The following ADGRG5 variants were observed in gnomAD, a reference collection of about 807,000 sequenced individuals.
The protein encoded by ADGRG5 is G protein-coupled receptor 114.
In ADGRG5, 37 loss-of-function variants were observed where a neutral mutation model predicts 53.2. That is an observed-to-expected ratio of 0.70 (90% CI 0.53 to 0.91). The LOEUF (loss-of-function observed/expected upper bound fraction) is 0.91. ADGRG5 is among the 40% of genes least tolerant of loss of function. The probability of loss-of-function intolerance (pLI) is 0.00; values close to 1 mark genes in which losing one functional copy is unlikely to be tolerated. For synonymous variants in ADGRG5, 277 were observed against 290.4 expected (o/e 0.95, Z 0.47); for missense variants, 614 against 675.8 (o/e 0.91, Z 1.01).
At chr16:57,531,903 G>A in the ADGRG5 span, among the ~76,000 whole-genome samples, 9 of 152,300 alleles carry the variant, frequency 5.9e-5, no homozygotes, top group South Asian at 4.1e-4. Flanking sequence ...ACACCACCAC[G>A]TGGAGCAGTA....
chr16:57,561,247 C>T (rs2032993013), intron 1 of ADGRG5, among the ~76,000 whole-genome samples: 1 of 152,254 alleles, frequency 6.6e-6, no homozygotes, highest in Non-Finnish European at 1.5e-5. Flanking sequence ...TGCTAAACGT[C>T]TTACCAGGTG....
chr16:57,563,589 G>A (rs1230664284), intron 4 of ADGRG5, among the ~76,000 whole-genome samples: 1 of 152,210 alleles, frequency 6.6e-6, no homozygotes, highest in African/African-American at 2.4e-5. Flanking sequence ...CAGGGGCTGG[G>A]GCTGGTGCTG....
At chr16:57,534,758 G>A in the ADGRG5 span, among the ~76,000 whole-genome samples, 1 of 152,222 alleles carries the variant, frequency 6.6e-6, no homozygotes, top group African/African-American at 2.4e-5. Flanking sequence ...TCAGGAGTCA[G>A]TCGGTGGCCA....
At position 57,567,999 on chromosome 16, in the gene ADGRG5, A is replaced by G. The variant is rs1221933203; in HGVS notation, c.965A>G (p.His322Arg). 2 of 1,614,042 alleles carry G rather than the reference A, an allele frequency of 1.2e-6. No homozygotes were observed. Among genetic ancestry groups the G allele is most frequent in the Admixed American group, 1.7e-5 (1 of 60,008 alleles). The change falls in exon 9 of 12, where the codon CAC becomes CGC. Residue 322 changes from histidine (H) to arginine (R), a missense_variant. His to Arg is a conservative substitution (Grantham distance 29, BLOSUM62 0). Transcript: ENST00000349457. ...SACTALAAAL[H>R]YALLSCLTWM... is the part of the protein sequence containing the mutation. ...TGCACGGCTCTGGCCGCTGCCCTGC[A>G]CTACGCGCTGCTCAGCTGCCTCACC...
intron 1 of ADGRG5, among the ~76,000 whole-genome samples, chr16:57,550,366 A>G (rs1212005698): frequency 6.6e-6 from 1 of 152,216 alleles, no homozygotes; most frequent in East Asian, 1.9e-4. Flanking sequence ...GTTGTGTAAG[A>G]GTTCTTTATG....
At position 57,574,807 on chromosome 16, in the gene ADGRG5, C is replaced by G. The variant is rs1441472208; in HGVS notation, c.1209-8C>G. The G allele has an allele frequency of 6.4e-7, 1 of 1,560,846 alleles. No individual in the cohort carries two copies. Among genetic ancestry groups the G allele is most frequent in the Admixed American group, 1.8e-5 (1 of 56,476 alleles). On this transcript the variant is annotated splice_region_variant and splice_polypyrimidine_tract_variant and intron_variant, in intron 10 of 11. Transcript: ENST00000349457. This position sits in a 1 kb window ranked among gnomAD's most constrained non-coding sequence, Gnocchi z 4.4. ...ACTGTGAGCCTGACACGTCACCCTC[C>G]CCTGCAGATGCTGGGTGCGGAGCCC... is the stretch of plus-strand genomic sequence containing the variant.
Position 57,562,050 on chromosome 16 carries a change from T to C in ADGRG5, c.-38-6T>C, listed in dbSNP as rs2033015060. On this transcript the variant is annotated splice_region_variant and splice_polypyrimidine_tract_variant and intron_variant, in intron 1 of 11. Transcript: ENST00000349457. ...TCATCATGGTGATGGCATGCACCTTTTTCAGGGCCGGAGCCAGTTCTTGGA... is the reference window on the plus strand; with the variant it reads ...TCATCATGGTGATGGCATGCACCTTCTTCAGGGCCGGAGCCAGTTCTTGGA... The C allele has an allele frequency of 6.7e-7, 1 of 1,494,098 alleles. No homozygotes were observed. The highest frequency in any genetic ancestry group is 2.3e-5 in the East Asian group (1 of 42,998). The allele number at this position is 1,494,098 out of a possible 1,614,324, so 92.6% of individuals were successfully genotyped here.
At chr16:57,557,589 T>C (rs2032911775) in intron 1 of ADGRG5, among the ~76,000 whole-genome samples, 1 of 152,202 alleles carries the variant, frequency 6.6e-6, no homozygotes, top group South Asian at 2.1e-4. Flanking sequence ...CTCTCTCCTT[T>C]AGCTAGGATT....
Position 57,562,052 on chromosome 16 carries a change from TCAGGGCCGGAG to T in ADGRG5, c.-38-2_-30del. 6.7e-7 allele frequency: 1 copy of T among 1,497,424 alleles called. No homozygotes were observed. The highest frequency in any genetic ancestry group is 2.2e-5 in the Admixed American group (1 of 44,758). The allele number at this position is 1,497,424 out of a possible 1,614,324, so 92.8% of individuals were successfully genotyped here. A position where few individuals can be genotyped will look rare whatever the true frequency, so the allele number is the denominator to read the frequency against. ...ATCATGGTGATGGCATGCACCTTTT[TCAGGGCCGGAG>T]CCAGTTCTTGGAGGAGACTCTGCAC... On this transcript the variant is annotated splice_acceptor_variant and splice_polypyrimidine_tract_variant and 5_prime_UTR_variant and intron_variant, in exon 2 of 12. Transcript: ENST00000349457. LOFTEE classifies it low-confidence loss of function (5UTR_SPLICE).
chr16:57,539,454 CTTT>C (rs35729717), upstream of ADGRG5, among the ~76,000 whole-genome samples: 4 of 141,510 alleles, frequency 2.8e-5, no homozygotes, highest in African/African-American at 5.2e-5. Flanking sequence ...CACTGTACCC[CTTT>C]TTTTTTTTTT....
At chr16:57,566,429 A>C in intron 6 of ADGRG5, 170 bp from the exon 7 acceptor site, 2 of 519,250 alleles carry the variant, frequency 3.9e-6, no homozygotes, top group Non-Finnish European at 6.5e-6. Context: ...CTGAGAGCCC[A>C]CAGTGGAGGT....
chr16:57,556,123 G>A (rs1427786461), intron 1 of ADGRG5, among the ~76,000 whole-genome samples: 1 of 152,138 alleles, frequency 6.6e-6, no homozygotes, highest in Non-Finnish European at 1.5e-5. Flanking sequence ...CTTTATAGCA[G>A]TGTGAAACTA....
chr16:57,570,562 C>A, intron 10 of ADGRG5, 27 bp downstream of exon 10: 2 of 1,517,440 alleles, frequency 1.3e-6, no homozygotes, highest in Non-Finnish European at 1.8e-6. Context: ...CTGCAGTGGG[C>A]TCCCTGGCTC....
chr16:57,547,597 A>G (rs1260766847), intron 1 of ADGRG5, among the ~76,000 whole-genome samples: 1 of 151,520 alleles, frequency 6.6e-6, no homozygotes, highest in Non-Finnish European at 1.5e-5. Context: ...GGCGCCTGCC[A>G]CCAAACCCAG....
At chr16:57,563,705 G>A in intron 4 of ADGRG5, 143 bp from the exon 5 acceptor site, 1 of 1,020,330 alleles carries the variant, frequency 9.8e-7, no homozygotes, top group South Asian at 1.4e-5. Flanking sequence ...TGGGAAGTTT[G>A]GGAGGAGATG....
chr16:57,529,681 TC>T, the ADGRG5 span, among the ~76,000 whole-genome samples: 2 of 152,192 alleles, frequency 1.3e-5, no homozygotes, highest in African/African-American at 4.8e-5. This position sits in a 1 kb window ranked among gnomAD's most constrained non-coding sequence, Gnocchi z 4.1. Context: ...CCCTGCCTTT[TC>T]CTGCACTGGG....
intron 9 of ADGRG5, among the ~76,000 whole-genome samples, chr16:57,569,760 C>T (rs1259824079): frequency 1.3e-5 from 2 of 151,380 alleles, no homozygotes; most frequent in East Asian, 3.9e-4. Context: ...TCATCACCAT[C>T]GTCACCTCCT....
At chr16:57,540,826 T>C (rs1207934464), upstream of ADGRG5, among the ~76,000 whole-genome samples, 1 of 152,234 alleles carries the variant, frequency 6.6e-6, no homozygotes, top group Non-Finnish European at 1.5e-5. Flanking sequence ...AGTCTCACTC[T>C]GTTGCCCAAG....
chr16:57,557,744 C>T (rs1390620280), intron 1 of ADGRG5, among the ~76,000 whole-genome samples: 1 of 152,080 alleles, frequency 6.6e-6, no homozygotes, highest in Non-Finnish European at 1.5e-5. Flanking sequence ...TTGCTGTGTC[C>T]AGTTTGCTAA....
Sources: gnomAD v4.1 joint callset for allele counts (sites outside exome capture counted in the v4.1 genomes callset) on GRCh38, gnomAD v4.1.1 for gene constraint, Gnocchi (gnomAD v3.1) non-coding constraint, MANE v1.5 for transcripts, NCBI Gene and HGNC (gene_info 2026-07-23, HGNC 2026-07-21) for gene names.